TMEM91: variants seen among roughly 807,000 people sequenced by gnomAD.
TMEM91 encodes dispanin subfamily C member 3.
Under a neutral mutation model 13.3 loss-of-function variants are expected in TMEM91, and 6 were observed. The observed-to-expected ratio is 0.45, with a 90% CI of 0.25 to 0.89. The LOEUF (loss-of-function observed/expected upper bound fraction) is 0.89. TMEM91 is among the 40% of genes least tolerant of loss of function. The pLI, the probability that TMEM91 is intolerant of heterozygous loss-of-function variation, is 0.19. For synonymous variants in TMEM91, 87 were observed against 101.7 expected, an observed-to-expected ratio of 0.86 and a Z score of 0.87; for missense variants, 193 against 228.7, an observed-to-expected ratio of 0.84 and a Z score of 1.01.
At chr19:41,380,939 A>T (rs1002444066) in intron 2 of TMEM91, among the ~76,000 whole-genome samples, 1 of 129,028 alleles carries the variant, frequency 7.8e-6, no homozygotes, top group African/African-American at 3.1e-5. Context: ...AAAAAAAATT[A>T]GCTGGCCGTG....
upstream of TMEM91, among the ~76,000 whole-genome samples, chr19:41,375,184 CA>C (rs2038688895): frequency 6.6e-6 from 1 of 151,838 alleles, no homozygotes; most frequent in African/African-American, 2.4e-5. Flanking sequence ...GCCACAGGAA[CA>C]CAGCCCGGGG....
At chr19:41,371,082 A>C (rs1221075210) in intron 1 of TMEM91, among the ~76,000 whole-genome samples, 7 of 150,662 alleles carry the variant, frequency 4.6e-5, no homozygotes, top group Non-Finnish European at 8.9e-5. Flanking sequence ...GCTCACCACA[A>C]CCTCTGCCTC....
intron 1 of TMEM91, among the ~76,000 whole-genome samples, chr19:41,364,925 AGTACG>A (rs758015097): frequency 1.3e-5 from 2 of 151,920 alleles, no homozygotes; most frequent in Non-Finnish European, 2.9e-5. Context: ...CCCAGGCTGG[AGTACG>A]GTGGCTCGAT....
chr19:41,382,545 C>T (rs1384871827), intron 2 of TMEM91, among the ~76,000 whole-genome samples: 1 of 152,206 alleles, frequency 6.6e-6, no homozygotes, highest in Non-Finnish European at 1.5e-5. Flanking sequence ...ATCATTTGAA[C>T]CCGGGAGGCA....
At chr19:41,370,054 T>G (rs2038590287) in intron 1 of TMEM91, among the ~76,000 whole-genome samples, 1 of 152,064 alleles carries the variant, frequency 6.6e-6, no homozygotes, top group African/African-American at 2.4e-5. Flanking sequence ...CCTATTTTCT[T>G]TCAATGTATT....
At chr19:41,366,377 T>C (rs2038528095) in intron 1 of TMEM91, among the ~76,000 whole-genome samples, 1 of 152,084 alleles carries the variant, frequency 6.6e-6, no homozygotes, top group Non-Finnish European at 1.5e-5. Flanking sequence ...CTCACCTCTT[T>C]GTCGCCCTGC....
chr19:41,383,217 C>T (rs1193043228), intron 3 of TMEM91: 4 of 433,468 alleles, frequency 9.2e-6, no homozygotes, highest in Non-Finnish European at 1.2e-5. Context: ...CCATGCCTGG[C>T]TAATTTTTGA....
intron 1 of TMEM91, among the ~76,000 whole-genome samples, chr19:41,364,896 A>G (rs563639724): frequency 1.8e-4 from 27 of 151,988 alleles, no homozygotes; most frequent in African/African-American, 6.5e-4. Flanking sequence ...AGGCTCCTTA[A>G]AAGGGTCTCA....
rs1323725268 is a variant in TMEM91, at chr19:41,369,424, T to C, written c.-30+5329T>C. ...TTGGAGGCTGAAGCCGGAGGATGCCTTGAGTGCAGGAAGTCCAGGCTGCAG... is the reference window on the plus strand; with the variant it reads ...TTGGAGGCTGAAGCCGGAGGATGCCCTGAGTGCAGGAAGTCCAGGCTGCAG... On this transcript the variant is annotated intron_variant, in intron 1 of 3. Transcript: ENST00000413014. Among the ~76,000 whole-genome samples, 3 of 151,650 alleles carry C rather than the reference T, an allele frequency of 2.0e-5. No individual in the cohort carries two copies. The East Asian group carries it at 5.8e-4, about 29-fold the overall frequency.
At chr19:41,380,046 TCACCATG>T (rs2038842548) in intron 2 of TMEM91, among the ~76,000 whole-genome samples, 2 of 151,884 alleles carry the variant, frequency 1.3e-5, no homozygotes, top group South Asian at 4.2e-4. Context: ...CAGGCATGTG[TCACCATG>T]CCCAGCTAAT....
chr19:41,380,910 T>A, intron 2 of TMEM91, among the ~76,000 whole-genome samples: 1 of 71,326 alleles, frequency 1.4e-5, no homozygotes, highest in African/African-American at 7.2e-5. Flanking sequence ...TGAAACTCTG[T>A]CTCAAAAAAA....
intron 1 of TMEM91, among the ~76,000 whole-genome samples, chr19:41,370,668 G>C (rs979943502): frequency 1.6e-4 from 24 of 152,052 alleles, no homozygotes; most frequent in African/African-American, 5.5e-4. Context: ...GCCTCCCAAA[G>C]TGCTGGGATT....
upstream of TMEM91, among the ~76,000 whole-genome samples, chr19:41,374,797 CAT>C (rs2038679302): frequency 6.6e-6 from 1 of 152,030 alleles, no homozygotes; most frequent in Non-Finnish European, 1.5e-5. Context: ...CAGCCTGACT[CAT>C]ATGGAGAAAC....
upstream of TMEM91, chr19:41,374,302 G>C (rs2038670733): frequency 6.6e-6 from 1 of 152,224 alleles, no homozygotes; most frequent in African/African-American, 2.4e-5. Flanking sequence ...CTTCTGGGAA[G>C]GGAGGCCTAT....
chr19:41,378,203 G>A (rs1389338078), intron 1 of TMEM91, 78 bp from the exon 2 acceptor site: 1 of 1,105,804 alleles, frequency 9.0e-7, no homozygotes, highest in Non-Finnish European at 1.3e-6. Flanking sequence ...CTCTGCCTGA[G>A]TCTCTCTAAA....
At chr19:41,369,521 A>C (rs2038580769) in intron 1 of TMEM91, among the ~76,000 whole-genome samples, 1 of 151,174 alleles carries the variant, frequency 6.6e-6, no homozygotes, top group Non-Finnish European at 1.5e-5. Flanking sequence ...AAAAAAAAAA[A>C]AGGCCCGGTG....
chr19:41,377,590 G>T (rs939726016), intron 1 of TMEM91, among the ~76,000 whole-genome samples: 1 of 151,952 alleles, frequency 6.6e-6, no homozygotes, highest in Non-Finnish European at 1.5e-5. Context: ...AGGTGGTCAC[G>T]CGGTATGAAC....
intron 2 of TMEM91, 62 bp from the exon 3 acceptor site, chr19:41,382,710 G>A: frequency 6.3e-7 from 1 of 1,575,560 alleles, no homozygotes; most frequent in African/African-American, 1.3e-5. Context: ...GCTATGGAGA[G>A]CAGAGCAATG....
Position 41,384,050 on chromosome 19 carries a change from C to A in TMEM91, c.*177C>A. 8.4e-7 allele frequency: 1 copy of A among 1,184,850 alleles called. No individual in the cohort carries two copies. Among genetic ancestry groups the A allele is most frequent in the Non-Finnish European group, 1.1e-6 (1 of 884,064 alleles). 73.4% of individuals were successfully genotyped at this position (1,184,850 alleles called of 1,614,324 possible). On this transcript the variant is annotated 3_prime_UTR_variant, in exon 4 of 4. Coordinates refer to ENST00000392002, the MANE Select transcript of TMEM91 (RefSeq NM_001098821.2). ...CCACCGCTCTTCGGGCGGCAGCAAC[C>A]TGAGATTAAACACCAGACACCCTTG...
Sources: allele counts gnomAD v4.1 joint callset (sites outside exome capture counted in the v4.1 genomes callset), GRCh38; gene constraint gnomAD v4.1.1; transcripts MANE v1.5; gene names NCBI Gene and HGNC (gene_info 2026-07-23, HGNC 2026-07-21).